Variants in EIF3F observed in about 807,000 individuals in gnomAD.
EIF3F encodes the protein eukaryotic translation initiation factor 3 subunit F.
Under a neutral mutation model 36.0 loss-of-function variants are expected in EIF3F, and 8 were observed. That is an observed-to-expected ratio of 0.22 (90% CI 0.13 to 0.40). EIF3F has a LOEUF of 0.40. Ranked by LOEUF, EIF3F falls within the 10% of genes least tolerant of loss-of-function variation. EIF3F has a pLI of 1.00. For synonymous variants in EIF3F, 184 were observed against 188.5 expected (o/e 0.98, Z 0.19); for missense variants, 430 against 467.6 (o/e 0.92, Z 0.74).
rs938372500 is a variant in EIF3F, at chr11:7,997,202, T to C, written c.*1180T>C. 15 of 152,192 alleles carry C rather than the reference T, an allele frequency of 9.9e-5. No individual in the cohort carries two copies. The highest frequency in any genetic ancestry group is 3.1e-4 in the African/African-American group (13 of 41,448). 9.4% of individuals were successfully genotyped at this position (152,192 alleles called of 1,614,324 possible). A position where few individuals can be genotyped will look rare whatever the true frequency, so the allele number is the denominator to read the frequency against. ...ACAGGTAGGGAAATGTAAACAGATC[T>C]TATCGGCAAAATGATAATGACAGGC... On this transcript the variant is annotated 3_prime_UTR_variant, in exon 8 of 8. Transcript: ENST00000651655.
chr11:7,990,643 A>G (rs964750793), intron 1 of EIF3F, among the ~76,000 whole-genome samples: 2 of 152,294 alleles, frequency 1.3e-5, no homozygotes, highest in African/African-American at 4.8e-5. Context: ...GAGGTCAAAT[A>G]AGATAAAGGA....
rs1418705691 is a variant in EIF3F at position 7,998,323 on chromosome 11, A to G, written c.*2301A>G. ...TGGTTGACCCATTAACACTGAACTT[A>G]GCCCACGACACTTATTCCTGAATGA... is the stretch of plus-strand genomic sequence containing the variant. On this transcript the variant is annotated 3_prime_UTR_variant, in exon 8 of 8. Transcript: ENST00000651655. 3.9e-5 allele frequency: 6 copies of G among 152,248 alleles called. No homozygotes were observed. Among genetic ancestry groups the G allele is most frequent in the Non-Finnish European group, 8.8e-5 (6 of 68,056 alleles). The allele number at this position is 152,248 out of a possible 1,614,324, so 9.4% of individuals were successfully genotyped here.
chr11:7,998,350 G>A lies in EIF3F; in HGVS notation c.*2328G>A, dbSNP rs766378148. On this transcript the variant is annotated 3_prime_UTR_variant, in exon 8 of 8. Transcript: ENST00000651655. Reference sequence around the variant, plus strand: ...CCCACGACACTTATTCCTGAATGAAGCTTACCTCAGTTTCTCCAGGCGGCA... The same window carrying A: ...CCCACGACACTTATTCCTGAATGAAACTTACCTCAGTTTCTCCAGGCGGCA... 5 of 152,206 alleles carry A rather than the reference G, an allele frequency of 3.3e-5. No homozygotes were observed. Among genetic ancestry groups the A allele is most frequent in the Non-Finnish European group, 7.3e-5 (5 of 68,054 alleles). The allele number at this position is 152,206 out of a possible 1,614,324, so 9.4% of individuals were successfully genotyped here. A position where few individuals can be genotyped will look rare whatever the true frequency, so the allele number is the denominator to read the frequency against.
rs369989218 is a variant in EIF3F, at chr11:7,994,420, C to T, written c.654-6C>T. On this transcript the variant is annotated splice_polypyrimidine_tract_variant and splice_region_variant and intron_variant, in intron 4 of 7. Coordinates refer to ENST00000651655, the MANE Select transcript of EIF3F (RefSeq NM_003754.3). The stretch of plus-strand genomic sequence containing the variant: ...CATCTGTTTACTTTGGCTTCTCCTT[C>T]CGCAGCACTTTAATGGGAGTCCCTG... The T allele has an allele frequency of 5.1e-5, 82 of 1,613,338 alleles. No homozygotes were observed. Among genetic ancestry groups the T allele is most frequent in the Non-Finnish European group, 3.6e-5 (43 of 1,179,780 alleles).
Position 7,987,496 on chromosome 11 carries a change from C to T in EIF3F, c.144C>T (p.Asp48=). Residue 48 remains aspartate, a synonymous_variant, in exon 1 of 8, where the codon GAC becomes GAT. Transcript: ENST00000651655. The part of the protein sequence containing the change: ...VPAAAPASSS[D]PAAAAAATAA... ...CTGCGGCTCCAGCCTCATCCTCAGA[C>T]CCTGCGGCAGCAGCGGCTGCAACTG... is the stretch of plus-strand genomic sequence containing the variant. 2 of 1,606,686 alleles carry T rather than the reference C, an allele frequency of 1.2e-6. No individual in the cohort carries two copies. The highest frequency in any genetic ancestry group is 1.1e-5 in the South Asian group (1 of 90,650).
intron 3 of EIF3F, chr11:7,992,621 C>T: frequency 2.0e-6 from 1 of 506,224 alleles, no homozygotes; most frequent in South Asian, 2.1e-5. Flanking sequence ...ACTGTGAATT[C>T]AGTGGGTTTT....
In EIF3F at chr11:7,998,560, A is replaced by C. The variant is rs763922146; in HGVS notation, c.*2538A>C. 2.0e-5 allele frequency: 3 copies of C among 152,218 alleles called. No homozygotes were observed. The highest frequency in any genetic ancestry group is 4.4e-5 in the Non-Finnish European group (3 of 68,044). 9.4% of individuals were successfully genotyped at this position (152,218 alleles called of 1,614,324 possible). A position where few individuals can be genotyped will look rare whatever the true frequency, so the allele number is the denominator to read the frequency against. ...GGGAACATGGAGAGCAGGCAATTCA[A>C]ATTTTTTCACATGCTGCATGTCCGC... On this transcript the variant is annotated 3_prime_UTR_variant, in exon 8 of 8. Transcript: ENST00000651655.
At position 8,001,210 on chromosome 11, in the gene EIF3F, A is replaced by G. The variant is rs568116357; in HGVS notation, c.*5188A>G. 3.3e-5 allele frequency: 5 copies of G among 152,348 alleles called. No homozygotes were observed. The East Asian group carries it at 5.8e-4, about 18-fold the overall frequency. The allele number at this position is 152,348 out of a possible 1,614,324, so 9.4% of individuals were successfully genotyped here. A position where few individuals can be genotyped will look rare whatever the true frequency, so the allele number is the denominator to read the frequency against. On this transcript the variant is annotated 3_prime_UTR_variant, in exon 8 of 8. Transcript: ENST00000651655. ...GTCATTTTTAAAAATCAGATTCGCA[A>G]ATTTTAAAAGTTGCTAACACTGGAA...
At chr11:7,995,648 G>C in intron 7 of EIF3F, 1 of 580,192 alleles carries the variant, frequency 1.7e-6, no homozygotes, top group Non-Finnish European at 3.1e-6. Context: ...AAATTCAGAG[G>C]TTAATGAAAA....
rs1406962097 is a variant in EIF3F, at chr11:7,996,862, T to G, written c.*840T>G. On this transcript the variant is annotated 3_prime_UTR_variant, in exon 8 of 8. Transcript: ENST00000651655. ...ATCAAAAAGGCCTGGATCCTAGTTCTGAGGTATGTGTAGCCTTAGGAAAGA... is the reference window on the plus strand; with the variant it reads ...ATCAAAAAGGCCTGGATCCTAGTTCGGAGGTATGTGTAGCCTTAGGAAAGA... The G allele has an allele frequency of 6.6e-6, 1 of 152,242 alleles. No homozygotes were observed. Among genetic ancestry groups the G allele is most frequent in the Non-Finnish European group, 1.5e-5 (1 of 68,044 alleles). The allele number at this position is 152,242 out of a possible 1,614,324, so 9.4% of individuals were successfully genotyped here. A position where few individuals can be genotyped will look rare whatever the true frequency, so the allele number is the denominator to read the frequency against.
rs867418785 is a variant in EIF3F, at chr11:8,001,400, C to T, written c.*5378C>T. 2.6e-5 allele frequency: 4 copies of T among 152,046 alleles called. No homozygotes were observed. Among genetic ancestry groups the T allele is most frequent in the African/African-American group, 7.2e-5 (3 of 41,388 alleles). The allele number at this position is 152,046 out of a possible 1,614,324, so 9.4% of individuals were successfully genotyped here. A position where few individuals can be genotyped will look rare whatever the true frequency, so the allele number is the denominator to read the frequency against. Reference sequence around the variant, plus strand: ...ATATATCCTACAAATAAACTGGTCTCGTTATGACACAATGTAATGAATACA... The same window carrying T: ...ATATATCCTACAAATAAACTGGTCTTGTTATGACACAATGTAATGAATACA... On this transcript the variant is annotated 3_prime_UTR_variant, in exon 8 of 8. Transcript: ENST00000651655.
At chr11:7,995,908 C>T in intron 7 of EIF3F, 37 bp from the exon 8 acceptor site, 1 of 1,598,172 alleles carries the variant, frequency 6.3e-7, no homozygotes. Flanking sequence ...CCCTTTCCAC[C>T]CAACCCCCCA....
rs1105984 is a variant in EIF3F, at chr11:7,995,183, T to A, written c.882+65T>A. 2.1e-4 allele frequency: 341 copies of A among 1,605,366 alleles called. 1 individual carries two copies. In the African/African-American group the frequency reaches 4.1e-3, roughly 19 times the overall value. On this transcript the variant is annotated intron_variant, in intron 6 of 7. Coordinates refer to ENST00000651655, the MANE Select transcript of EIF3F (RefSeq NM_003754.3). Reference sequence around the variant, plus strand: ...TCTCTATCCTGGGATCACTGAGGCATGTGCTGATGAAATGGTAGGGCTCAG... The same window carrying A: ...TCTCTATCCTGGGATCACTGAGGCAAGTGCTGATGAAATGGTAGGGCTCAG...
intron 1 of EIF3F, among the ~76,000 whole-genome samples, chr11:7,988,117 A>T (rs776183219): frequency 6.6e-6 from 1 of 152,230 alleles, no homozygotes; most frequent in Non-Finnish European, 1.5e-5. Flanking sequence ...TTGACTCCCT[A>T]TACCAGTGAC....
chr11:7,988,901 C>G (rs1942058750), intron 1 of EIF3F, among the ~76,000 whole-genome samples: 1 of 152,188 alleles, frequency 6.6e-6, no homozygotes, highest in Non-Finnish European at 1.5e-5. Flanking sequence ...CCTGGACCAC[C>G]CCAATGCATA....
intron 4 of EIF3F, among the ~76,000 whole-genome samples, chr11:7,993,799 C>G (rs143761983): frequency 6.6e-6 from 1 of 151,978 alleles, no homozygotes; most frequent in African/African-American, 2.4e-5. Context: ...GACTTCTTAA[C>G]CTTCCCAGGT....
At chr11:7,989,192 C>T (rs1045089899) in intron 1 of EIF3F, among the ~76,000 whole-genome samples, 4 of 152,222 alleles carry the variant, frequency 2.6e-5, no homozygotes, top group African/African-American at 7.2e-5. Context: ...GTGCCCTGCT[C>T]TGAGCTTCTG....
rs1197476051 is a variant in EIF3F at position 7,992,129 on chromosome 11, A to G, written c.481A>G (p.Lys161Glu). ...TGCTAAGAATATGTATGAACTGCATAAAAAAGTTTCTCCAAATGAGCTCAT... is the reference window on the plus strand; with the variant it reads ...TGCTAAGAATATGTATGAACTGCATGAAAAAGTTTCTCCAAATGAGCTCAT... ...EFAKNMYELH[K>E]KVSPNELILG... Residue 161 changes from lysine to glutamate, a missense_variant, in exon 3 of 8, where the codon AAA becomes GAA. This residue lies in a region of EIF3F where 262 missense variants were observed against 347.4 expected (regional missense o/e 0.75). Transcript: ENST00000651655. The G allele has an allele frequency of 1.2e-6, 2 of 1,613,568 alleles. No homozygotes were observed. The highest frequency in any genetic ancestry group is 1.7e-6 in the Non-Finnish European group (2 of 1,179,994).
intron 7 of EIF3F, chr11:7,995,572 A>G (rs1942151272): frequency 9.9e-6 from 6 of 605,028 alleles, no homozygotes; most frequent in East Asian, 2.8e-5. Context: ...CCATGATTCC[A>G]TTGTCTCATT....
Sources: allele counts gnomAD v4.1 joint callset (sites outside exome capture counted in the v4.1 genomes callset), GRCh38; gene constraint gnomAD v4.1.1; regional missense constraint gnomAD v4.1.1; transcripts MANE v1.5; gene names NCBI Gene and HGNC (gene_info 2026-07-23, HGNC 2026-07-21).